Variants in SORCS2 observed in about 807,000 individuals in gnomAD.
The protein encoded by SORCS2 is VPS10 domain-containing receptor SorCS2.
A neutral mutation model predicts 141.6 loss-of-function variants in SORCS2; 100 were observed. That is an observed-to-expected ratio of 0.71 (90% CI 0.60 to 0.83). The LOEUF (loss-of-function observed/expected upper bound fraction) is 0.83. SORCS2 is among the 40% of genes least tolerant of loss of function. The pLI is 0.00. For synonymous variants in SORCS2, 789 were observed against 676.9 expected, an observed-to-expected ratio of 1.17 and a Z score of -2.57; for missense variants, 1,646 against 1,560.2, an observed-to-expected ratio of 1.05 and a Z score of -0.93.
intron 2 of SORCS2, among the ~76,000 whole-genome samples, chr4:7,516,284 C>T (rs957789698): frequency 1.3e-5 from 2 of 152,136 alleles, no homozygotes; most frequent in African/African-American, 2.4e-5. Flanking sequence ...GAAGGCCCAG[C>T]TGGGCGTGGG....
At chr4:7,718,859 TGTTA>T (rs1170545226) in intron 18 of SORCS2, among the ~76,000 whole-genome samples, 2 of 152,212 alleles carry the variant, frequency 1.3e-5, no homozygotes, top group African/African-American at 4.8e-5. Context: ...TGGTAACAAC[TGTTA>T]GTTTTTTGTA....
intron 26 of SORCS2, among the ~76,000 whole-genome samples, chr4:7,738,190 G>A (rs553461013): frequency 6.6e-6 from 1 of 152,376 alleles, no homozygotes; most frequent in East Asian, 1.9e-4. Flanking sequence ...GGATGAGGGG[G>A]GAAACTGAGG....
intron 8 of SORCS2, 70 bp from the exon 9 acceptor site, chr4:7,675,980 G>A (rs1284893438): frequency 6.6e-7 from 1 of 1,517,738 alleles, no homozygotes; most frequent in Non-Finnish European, 8.9e-7. Flanking sequence ...GGCCTGTGCA[G>A]CCTGCTTCTT....
intron 2 of SORCS2, among the ~76,000 whole-genome samples, chr4:7,476,419 T>G (rs1448781980): frequency 6.6e-6 from 1 of 152,154 alleles, no homozygotes; most frequent in East Asian, 1.9e-4. Flanking sequence ...TGTCGGTGTT[T>G]GCTCTCAATG....
Position 7,311,244 on chromosome 4 carries a change from A to T in SORCS2, c.481-85044A>T, listed in dbSNP as rs538498295. Among the ~76,000 whole-genome samples the T allele has an allele frequency of 1.4e-3, 219 of 152,304 alleles. 2 individuals are homozygous for T. The highest frequency in any genetic ancestry group is 4.9e-3 in the African/African-American group (202 of 41,558). On this transcript the variant is annotated intron_variant, in intron 1 of 26. Transcript: ENST00000507866. ...TTTTCAGATTCAGACATGTTGTCAC[A>T]TCAGTCAATCAATTGTTCGTTCCCT...
intron 1 of SORCS2, among the ~76,000 whole-genome samples, chr4:7,273,112 A>T (rs1021193827): frequency 6.6e-6 from 1 of 152,240 alleles, no homozygotes; most frequent in African/African-American, 2.4e-5. Flanking sequence ...AAGGACTTCT[A>T]GTTTTCAACA....
rs148732154 is a variant in SORCS2, at chr4:7,320,091, C to A, written c.481-76197C>A. On this transcript the variant is annotated intron_variant, in intron 1 of 26. Transcript: ENST00000507866. ...GCCGAGGAGGGTGTATCCCTTGAGA[C>A]AAGGAGTTCAACACCAGCCTGGGCA... 3.2e-3 allele frequency among the ~76,000 whole-genome samples: 487 copies of A among 152,202 alleles called. 2 individuals carry two copies. Among genetic ancestry groups the A allele is most frequent in the African/African-American group, 0.011 (472 of 41,500 alleles).
rs1306135455 is a variant in SORCS2 at position 7,541,113 on chromosome 4, G to A, written c.648+9484G>A. Among the ~76,000 whole-genome samples, 3 of 152,244 alleles carry A rather than the reference G, an allele frequency of 2.0e-5. No individual in the cohort carries two copies. In the East Asian group the frequency reaches 5.8e-4, roughly 29 times the overall value. On this transcript the variant is annotated intron_variant, in intron 3 of 26. Transcript: ENST00000507866. ...GCCAACCCATCCTTTCTGTCTCCCTGTGATGGGAAGTGAGGGTGAGACTGG... is the reference window on the plus strand; with the variant it reads ...GCCAACCCATCCTTTCTGTCTCCCTATGATGGGAAGTGAGGGTGAGACTGG...
intron 3 of SORCS2, among the ~76,000 whole-genome samples, chr4:7,544,218 G>A (rs1713070945): frequency 6.6e-6 from 1 of 152,118 alleles, no homozygotes; most frequent in South Asian, 2.1e-4. Context: ...CATTCATCAT[G>A]CATCAACTTA....
chr4:7,362,723 C>T (rs1438567334), intron 1 of SORCS2, among the ~76,000 whole-genome samples: 1 of 151,578 alleles, frequency 6.6e-6, no homozygotes, highest in East Asian at 1.9e-4. Flanking sequence ...TCATTACCAC[C>T]AGCACTATCA....
chr4:7,708,880 C>G (rs75904669), intron 14 of SORCS2, among the ~76,000 whole-genome samples: 2,014 of 152,296 alleles, frequency 0.013, 43 homozygotes, highest in East Asian at 0.087. Flanking sequence ...GGGATAATCA[C>G]CCTTCCTGTT....
intron 14 of SORCS2, among the ~76,000 whole-genome samples, chr4:7,705,255 G>A (rs1269657265): frequency 6.6e-6 from 1 of 152,084 alleles, no homozygotes; most frequent in African/African-American, 2.4e-5. Flanking sequence ...AGCTGGAAGG[G>A]GCAGGAAGCC....
In SORCS2 at chr4:7,464,103, G is replaced by A. The variant is rs138375907; in HGVS notation, c.549-67427G>A. On this transcript the variant is annotated intron_variant, in intron 2 of 26. Coordinates refer to ENST00000507866, the MANE Select transcript of SORCS2 (RefSeq NM_020777.3). ...GGCAGTGAGCTAAGAGCTGGATGCC[G>A]CAGTGGACTGAACACACCTGGTCAG... Among the ~76,000 whole-genome samples, 354 of 152,284 alleles carry A rather than the reference G, an allele frequency of 2.3e-3. 1 individual carries two copies. Among genetic ancestry groups the A allele is most frequent in the African/African-American group, 7.8e-3 (323 of 41,540 alleles).
intron 1 of SORCS2, among the ~76,000 whole-genome samples, chr4:7,338,087 G>A (rs1720102187): frequency 2.3e-5 from 3 of 127,920 alleles, no homozygotes; most frequent in South Asian, 4.9e-4. Flanking sequence ...TTGGCTGGCT[G>A]GCTGGATGGA....
chr4:7,202,344 G>T (rs1727526248), intron 1 of SORCS2, among the ~76,000 whole-genome samples: 1 of 152,180 alleles, frequency 6.6e-6, no homozygotes. Flanking sequence ...TTGAGTGAGT[G>T]AGGACTCTCC....
intron 2 of SORCS2, among the ~76,000 whole-genome samples, chr4:7,490,158 C>A (rs1731231399): frequency 6.6e-6 from 1 of 152,140 alleles, no homozygotes; most frequent in Non-Finnish European, 1.5e-5. Context: ...TGCAGAAGGG[C>A]CCAGGGGCCT....
intron 2 of SORCS2, among the ~76,000 whole-genome samples, chr4:7,408,178 T>C (rs1406290950): frequency 6.6e-6 from 1 of 151,828 alleles, no homozygotes; most frequent in East Asian, 1.9e-4. Flanking sequence ...ATTCTAAACC[T>C]TCAGGGTGTT....
chr4:7,405,046 G>A (rs1345456372), intron 2 of SORCS2, among the ~76,000 whole-genome samples: 2 of 152,102 alleles, frequency 1.3e-5, no homozygotes, highest in Non-Finnish European at 2.9e-5. Context: ...GTGAGAGATA[G>A]GGGTCCGTTT....
intron 2 of SORCS2, among the ~76,000 whole-genome samples, chr4:7,469,900 T>A (rs560506477): frequency 6.6e-6 from 1 of 152,188 alleles, no homozygotes; most frequent in Non-Finnish European, 1.5e-5. Context: ...CCTCAGTTTG[T>A]CATCAGAGAC....
Sources: gnomAD v4.1 joint callset for allele counts (sites outside exome capture counted in the v4.1 genomes callset) on GRCh38, gnomAD v4.1.1 for gene constraint, MANE v1.5 for transcripts, NCBI Gene and HGNC (gene_info 2026-07-23, HGNC 2026-07-21) for gene names.